ADAMTS6: variants seen among roughly 807,000 people sequenced by gnomAD.
ADAMTS6 encodes the protein A disintegrin and metalloproteinase with thrombospondin motifs 6.
ADAMTS6 carries 23 observed loss-of-function variants against 144.3 expected under a neutral mutation model. The ratio of observed to expected loss-of-function variants is 0.16; its 90% CI spans 0.11 to 0.23. The LOEUF is 0.23. Among genes scored for constraint, ADAMTS6 ranks in the 10% least tolerant of loss-of-function variants. The probability of loss-of-function intolerance (pLI) is 1.00; values close to 1 mark genes in which losing one functional copy is unlikely to be tolerated. For synonymous variants in ADAMTS6, 444 were observed against 457.5 expected (o/e 0.97, Z 0.38); for missense variants, 999 against 1,379.6 (o/e 0.72, Z 4.37).
At chr5:65,428,225 C>CAA (rs759344039) in intron 7 of ADAMTS6, among the ~76,000 whole-genome samples, 2,345 of 57,832 alleles carry the variant, frequency 0.041, 110 homozygotes, top group African/African-American at 0.11. Context: ...GACTCCATCT[C>CAA]AAAAAAAAAA....
chr5:65,177,702 G>C (rs1046441854), intron 22 of ADAMTS6, among the ~76,000 whole-genome samples: 3 of 151,910 alleles, frequency 2.0e-5, no homozygotes, highest in Non-Finnish European at 4.4e-5. Context: ...AACAAACTTT[G>C]GCAATTAAAA....
At chr5:65,422,655 A>T (rs11745785) in intron 7 of ADAMTS6, among the ~76,000 whole-genome samples, 2 of 26,182 alleles carry the variant, frequency 7.6e-5, no homozygotes, top group Non-Finnish European at 1.4e-4. Flanking sequence ...TTAAAAAATT[A>T]AAAAAAAACA....
intron 7 of ADAMTS6, among the ~76,000 whole-genome samples, chr5:65,349,909 G>A (rs893189616): frequency 2.0e-5 from 3 of 151,178 alleles, no homozygotes; most frequent in South Asian, 4.2e-4. Context: ...ATTTAATGGA[G>A]CAGCACACTA....
At chr5:65,478,087 A>T (rs1395316580) in intron 1 of ADAMTS6, among the ~76,000 whole-genome samples, 1 of 151,968 alleles carries the variant, frequency 6.6e-6, no homozygotes, top group Non-Finnish European at 1.5e-5. Flanking sequence ...AGATCACGCC[A>T]CTGCACTGCA....
Position 65,267,051 on chromosome 5 carries a change from A to G in ADAMTS6, c.1621-4089T>C, listed in dbSNP as rs144110781. On this transcript the variant is annotated intron_variant, in intron 12 of 24. Transcript: ENST00000381055. Reference sequence around the variant, plus strand: ...GAGTAGAATAATTAGATTACACCAAATAAAGCAACTTGGAATATATAAATC... The same window carrying G: ...GAGTAGAATAATTAGATTACACCAAGTAAAGCAACTTGGAATATATAAATC... Among the ~76,000 whole-genome samples, 851 of 152,180 alleles carry G rather than the reference A, an allele frequency of 5.6e-3. 11 individuals are homozygous for G. The highest frequency in any genetic ancestry group is 0.019 in the African/African-American group (799 of 41,586).
chr5:65,215,221 T>A, intron 19 of ADAMTS6, 103 bp downstream of exon 19: 2 of 1,338,034 alleles, frequency 1.5e-6, no homozygotes, highest in African/African-American at 1.5e-5. Flanking sequence ...TTTATTTACC[T>A]TAATTTCATC....
intron 20 of ADAMTS6, among the ~76,000 whole-genome samples, chr5:65,212,502 A>C (rs950163248): frequency 6.6e-6 from 1 of 151,614 alleles, no homozygotes; most frequent in Admixed American, 6.6e-5. Flanking sequence ...ATGGAAAAAA[A>C]TAACACTCAT....
intron 9 of ADAMTS6, among the ~76,000 whole-genome samples, chr5:65,322,150 G>A (rs992420759): frequency 4.6e-5 from 7 of 152,222 alleles, no homozygotes; most frequent in African/African-American, 9.6e-5. Flanking sequence ...GCTTGTTTTC[G>A]TCAGGTTTGT....
intron 20 of ADAMTS6, among the ~76,000 whole-genome samples, chr5:65,211,831 C>T (rs1325016749): frequency 6.6e-6 from 1 of 152,182 alleles, no homozygotes; most frequent in Non-Finnish European, 1.5e-5. Flanking sequence ...TACTCATTCA[C>T]TCATCTAGCA....
intron 7 of ADAMTS6, among the ~76,000 whole-genome samples, chr5:65,382,198 T>C (rs980302381): frequency 1.3e-5 from 2 of 152,198 alleles, no homozygotes; most frequent in African/African-American, 4.8e-5. Flanking sequence ...CAAAATGGTA[T>C]TGTCACCTCA....
chr5:65,292,402 T>C (rs1018396765), intron 10 of ADAMTS6, among the ~76,000 whole-genome samples: 10 of 151,772 alleles, frequency 6.6e-5, no homozygotes, highest in Non-Finnish European at 8.8e-5. Flanking sequence ...TTTTTTTTTT[T>C]CCAAATCTTT....
At chr5:65,241,432 T>C (rs901613654) in intron 15 of ADAMTS6, among the ~76,000 whole-genome samples, 3 of 152,074 alleles carry the variant, frequency 2.0e-5, no homozygotes, top group African/African-American at 7.2e-5. Context: ...TGTTTTGCCA[T>C]GCTGGCCAGG....
rs879407843 is a variant in ADAMTS6 at position 65,407,339 on chromosome 5, CT to C, written c.1073+44135del. ...GAGTGGGGGGCCAATATTCAATGTT[CT>C]TTTTTTTTTTATTATACTTTAAGTT... On this transcript the variant is annotated intron_variant, in intron 7 of 24. Transcript: ENST00000381055. 8.4e-3 allele frequency among the ~76,000 whole-genome samples: 1,243 copies of C among 147,340 alleles called. 19 individuals are homozygous for C. The highest frequency in any genetic ancestry group is 0.028 in the African/African-American group (1,127 of 40,318).
chr5:65,480,447 C>G (rs1761126652), intron 1 of ADAMTS6, among the ~76,000 whole-genome samples: 1 of 152,086 alleles, frequency 6.6e-6, no homozygotes, highest in South Asian at 2.1e-4. Flanking sequence ...GGATAAAACG[C>G]GTGTGACCCA....
intron 20 of ADAMTS6, among the ~76,000 whole-genome samples, chr5:65,209,209 A>C (rs1325767072): frequency 1.3e-5 from 2 of 152,180 alleles, no homozygotes; most frequent in East Asian, 3.8e-4. Context: ...TTTTAAAACA[A>C]TACAACTTTC....
At chr5:65,452,310 T>C (rs966718411) in intron 5 of ADAMTS6, 94 bp from the exon 6 acceptor site, 60 of 1,109,378 alleles carry the variant, frequency 5.4e-5, no homozygotes, top group Middle Eastern at 2.0e-4. Context: ...TTTTTATAAA[T>C]TTAGCCATTG....
chr5:65,356,186 G>A (rs948721930), intron 7 of ADAMTS6, among the ~76,000 whole-genome samples: 12 of 151,662 alleles, frequency 7.9e-5, no homozygotes, highest in East Asian at 1.9e-4. Flanking sequence ...TCATCAATAC[G>A]GTATTTATTT....
intron 21 of ADAMTS6, 133 bp from the exon 22 acceptor site, chr5:65,188,353 A>G (rs1421896262): frequency 7.3e-6 from 6 of 824,254 alleles, no homozygotes; most frequent in African/African-American, 1.7e-5. Context: ...ACAAATGGCA[A>G]ATGAAAGAGC....
chr5:65,452,209 T>A lies in ADAMTS6; in HGVS notation c.851A>T (p.Lys284Ile), dbSNP rs1196592385. The change falls in exon 6 of 25, where the codon AAA (lysine) becomes ATA (isoleucine). Residue 284 changes from lysine to isoleucine, a missense_variant. By Grantham distance (102) the Lys-to-Ile change is moderately radical. Around this residue, in one of 3 missense-constraint regions of ADAMTS6, gnomAD observed 128 missense variants for 249.0 expected, o/e 0.51. Transcript: ENST00000381055. ...YILSVMNIVA[K>I]LYRDSSLGNV... ...TCCTAGGCTGGAATCACGGTAAAGT[T>A]TGGCAACCTGACCTCCAGAAAATAA... 6.2e-7 allele frequency: 1 copy of A among 1,612,682 alleles called. No homozygotes were observed. The highest frequency in any genetic ancestry group is 8.5e-7 in the Non-Finnish European group (1 of 1,179,252).
Sources: gnomAD v4.1 joint callset for allele counts (sites outside exome capture counted in the v4.1 genomes callset) on GRCh38, gnomAD v4.1.1 for gene constraint, gnomAD v4.1.1 regional missense constraint, MANE v1.5 for transcripts, NCBI Gene and HGNC (gene_info 2026-07-23, HGNC 2026-07-21) for gene names.